Variants in GRIP1 observed in about 807,000 individuals in gnomAD.
GRIP1 encodes the protein glutamate receptor-interacting protein 1.
GRIP1 carries 45 observed loss-of-function variants against 129.9 expected under a neutral mutation model. The observed-to-expected ratio is 0.35, with a 90% CI of 0.27 to 0.44. The LOEUF (loss-of-function observed/expected upper bound fraction) is 0.44, where lower values mean the gene tolerates loss of function less well. Among genes scored for constraint, GRIP1 ranks in the 20% least tolerant of loss-of-function variants. The pLI, the probability that GRIP1 is intolerant of heterozygous loss-of-function variation, is 1.00. For synonymous variants in GRIP1, 530 were observed against 520.8 expected (o/e 1.02, Z -0.24); for missense variants, 1,196 against 1,396.8 (o/e 0.86, Z 2.29).
At chr12:66,773,854 A>T (rs2037896383) in intron 1 of GRIP1, among the ~76,000 whole-genome samples, 2 of 152,208 alleles carry the variant, frequency 1.3e-5, no homozygotes, top group Non-Finnish European at 2.9e-5. Context: ...AAGAAAGCAT[A>T]ATATGCAAAA....
At chr12:66,704,053 A>G (rs1277812061) in intron 1 of GRIP1, among the ~76,000 whole-genome samples, 1 of 152,140 alleles carries the variant, frequency 6.6e-6, no homozygotes, top group Admixed American at 6.6e-5. Context: ...CAGATCCCAG[A>G]ATAAAAAGAA....
At chr12:66,848,346 A>C (rs1024429097) in intron 1 of GRIP1, among the ~76,000 whole-genome samples, 2 of 152,110 alleles carry the variant, frequency 1.3e-5, no homozygotes, top group East Asian at 3.9e-4. Flanking sequence ...ACAAGAAGTT[A>C]CTGCACATTT....
At chr12:67,041,740 A>C (rs1322671522) in intron 1 of GRIP1, among the ~76,000 whole-genome samples, 4 of 151,822 alleles carry the variant, frequency 2.6e-5, no homozygotes, top group African/African-American at 9.7e-5. Context: ...TCTGTTTTAG[A>C]AGAAATTTTA....
In GRIP1 at chr12:66,378,422, AGC is replaced by A. The variant is rs200041333; in HGVS notation, c.2621+856_2621+857del. On this transcript the variant is annotated intron_variant, in intron 20 of 24. Transcript: ENST00000359742. ...AGCTGAGATCATACCACTGCACTCC[AGC>A]CTGGGTGACAGAGTGAGACCTTGTC... 3.4e-3 allele frequency among the ~76,000 whole-genome samples: 516 copies of A among 152,166 alleles called. 2 individuals are homozygous for A. Among genetic ancestry groups the A allele is most frequent in the African/African-American group, 0.012 (491 of 41,546 alleles).
chr12:66,918,392 C>G (rs750968829), intron 1 of GRIP1, among the ~76,000 whole-genome samples: 14 of 152,180 alleles, frequency 9.2e-5, no homozygotes, highest in Non-Finnish European at 1.9e-4. Context: ...CTTATTTTCT[C>G]AGTCAGCCAA....
intron 1 of GRIP1, among the ~76,000 whole-genome samples, chr12:66,646,276 T>C (rs974947365): frequency 2.0e-5 from 3 of 152,228 alleles, no homozygotes; most frequent in African/African-American, 4.8e-5. Flanking sequence ...CATTGATTGA[T>C]AGATGATTAG....
chr12:66,680,511 G>A (rs1164248275), upstream of GRIP1, among the ~76,000 whole-genome samples: 1 of 152,032 alleles, frequency 6.6e-6, no homozygotes, highest in African/African-American at 2.4e-5. Flanking sequence ...ATATTAAATG[G>A]ACTGCAGTGC....
At chr12:66,605,542 A>G (rs982305069) in intron 1 of GRIP1, among the ~76,000 whole-genome samples, 1 of 152,236 alleles carries the variant, frequency 6.6e-6, no homozygotes, top group Non-Finnish European at 1.5e-5. Flanking sequence ...ACTGATGTCT[A>G]GGAAAATGAT....
chr12:66,675,191 G>C (rs2034268678), intron 1 of GRIP1, among the ~76,000 whole-genome samples: 1 of 152,150 alleles, frequency 6.6e-6, no homozygotes, highest in African/African-American at 2.4e-5. Context: ...AGAAAAGACA[G>C]AGAGAGAGGG....
intron 2 of GRIP1, among the ~76,000 whole-genome samples, chr12:66,593,431 T>G (rs1430494550): frequency 1.3e-5 from 2 of 152,192 alleles, no homozygotes; most frequent in Non-Finnish European, 2.9e-5. Flanking sequence ...ACATTCAGAT[T>G]TACCTCTTTA....
intron 24 of GRIP1, among the ~76,000 whole-genome samples, chr12:66,349,820 A>T (rs980942641): frequency 1.3e-5 from 2 of 151,622 alleles, no homozygotes. Flanking sequence ...TGTCTCTACT[A>T]AGAAAATTTT....
intron 14 of GRIP1, among the ~76,000 whole-genome samples, chr12:66,422,537 A>G (rs1370163735): frequency 6.6e-6 from 1 of 152,152 alleles, no homozygotes; most frequent in African/African-American, 2.4e-5. Context: ...ATTTTTGCCA[A>G]GCTGTAGTAA....
chr12:66,376,561 C>T (rs540077221), intron 22 of GRIP1, among the ~76,000 whole-genome samples: 1 of 152,198 alleles, frequency 6.6e-6, no homozygotes, highest in Non-Finnish European at 1.5e-5. Context: ...TAAGTTAATA[C>T]AGATGGAATC....
At chr12:66,371,057 T>C (rs545481311) in intron 23 of GRIP1, among the ~76,000 whole-genome samples, 42 of 152,124 alleles carry the variant, frequency 2.8e-4, no homozygotes, top group African/African-American at 9.6e-4. Flanking sequence ...ATTTAGAAAA[T>C]CCTTTCCCCT....
At chr12:66,521,789 G>A (rs1462660815) in intron 5 of GRIP1, among the ~76,000 whole-genome samples, 1 of 152,164 alleles carries the variant, frequency 6.6e-6, no homozygotes, top group Admixed American at 6.5e-5. Flanking sequence ...TGGAAAATCG[G>A]GTCACTCCCA....
chr12:66,909,887 A>C (rs1592946551), intron 1 of GRIP1, among the ~76,000 whole-genome samples: 1 of 152,206 alleles, frequency 6.6e-6, no homozygotes, highest in African/African-American at 2.4e-5. Context: ...AAATCTACTG[A>C]AAACTGGATC....
At chr12:66,374,403 G>T (rs1205200830) in intron 22 of GRIP1, among the ~76,000 whole-genome samples, 1 of 151,952 alleles carries the variant, frequency 6.6e-6, no homozygotes, top group Non-Finnish European at 1.5e-5. Flanking sequence ...GGCCAGGCTG[G>T]TCTCAAACTC....
chr12:66,701,544 C>T (rs985914187), intron 1 of GRIP1, among the ~76,000 whole-genome samples: 1 of 152,184 alleles, frequency 6.6e-6, no homozygotes, highest in African/African-American at 2.4e-5. Flanking sequence ...GAATAAATAA[C>T]TGCAAGCTCT....
Position 66,873,787 on chromosome 12 carries a change from A to G in GRIP1, c.58+195263T>C, listed in dbSNP as rs181591851. On this transcript the variant is annotated intron_variant, in intron 1 of 1. Transcript: ENST00000643019. ...GTCATAAATATAAAATCCTTTTGAT[A>G]AAAGGATTTTTATCATGTTCATGTA... Among the ~76,000 whole-genome samples, 121 of 152,222 alleles carry G rather than the reference A, an allele frequency of 7.9e-4. 1 individual carries two copies. The highest frequency in any genetic ancestry group is 1.5e-3 in the Non-Finnish European group (100 of 68,002).
Sources: gnomAD v4.1 joint callset for allele counts (sites outside exome capture counted in the v4.1 genomes callset) on GRCh38, gnomAD v4.1.1 for gene constraint, MANE v1.5 for transcripts, NCBI Gene and HGNC (gene_info 2026-07-23, HGNC 2026-07-21) for gene names.